Variants in KPNB1 observed in about 807,000 individuals in gnomAD.
KPNB1 encodes the protein importin subunit beta-1.
In KPNB1, 7 loss-of-function variants were observed where a neutral mutation model predicts 113.0. That is an observed-to-expected ratio of 0.06 (90% CI 0.04 to 0.12). KPNB1 has a LOEUF of 0.12. Among genes scored for constraint, KPNB1 ranks in the 10% least tolerant of loss-of-function variants. The pLI is 1.00. For synonymous variants in KPNB1, 363 were observed against 378.6 expected, an observed-to-expected ratio of 0.96 and a Z score of 0.48; for missense variants, 400 against 1,054.8, an observed-to-expected ratio of 0.38 and a Z score of 8.60.
rs774540472 is a variant in KPNB1 at position 47,661,184 on chromosome 17, T to C, written c.696+6T>C. ...CACAGTGTCCAGATACGAGGGTAAG[T>C]GTGAGGTTATATGAAAAATCTGTCT... On this transcript the variant is annotated splice_donor_region_variant and intron_variant, in intron 6 of 21. Coordinates refer to ENST00000290158, the MANE Select transcript of KPNB1 (RefSeq NM_002265.6). 1 of 1,607,198 alleles carries C rather than the reference T, an allele frequency of 6.2e-7. No individual in the cohort carries two copies. Among genetic ancestry groups the C allele is most frequent in the Admixed American group, 1.7e-5 (1 of 59,986 alleles).
At position 47,665,342 on chromosome 17, in the gene KPNB1, A is replaced by G. The variant is rs1007414904; in HGVS notation, c.999+184A>G. Among the ~76,000 whole-genome samples the G allele has an allele frequency of 1.6e-4, 24 of 152,204 alleles. 1 individual carries two copies. On this transcript the variant is annotated intron_variant, in intron 9 of 21. Transcript: ENST00000290158. ...GGCTCTGACTTCTTTGTGAAGGAGAACTGAGTCTTAACATCTCAGATGCAT... is the reference window on the plus strand; with the variant it reads ...GGCTCTGACTTCTTTGTGAAGGAGAGCTGAGTCTTAACATCTCAGATGCAT...
At chr17:47,657,274 C>T (rs1361475162) in intron 4 of KPNB1, among the ~76,000 whole-genome samples, 1 of 152,146 alleles carries the variant, frequency 6.6e-6, no homozygotes, top group Non-Finnish European at 1.5e-5. Context: ...AAACTGAAAA[C>T]AGAAGTCTAT....
chr17:47,661,542 C>T (rs1416083556), intron 6 of KPNB1, among the ~76,000 whole-genome samples: 1 of 152,068 alleles, frequency 6.6e-6, no homozygotes. Flanking sequence ...GTGGAGGTTG[C>T]AGTGAGCCAA....
chr17:47,651,351 G>C (rs768031473), intron 2 of KPNB1: 59 of 985,212 alleles, frequency 6.0e-5, no homozygotes, highest in Non-Finnish European at 7.0e-5. Context: ...GGAAGGATTG[G>C]ATGATGCTTG....
intron 2 of KPNB1, chr17:47,651,164 A>G (rs772081784): frequency 6.2e-6 from 6 of 973,832 alleles, no homozygotes; most frequent in Non-Finnish European, 7.3e-6. Context: ...ATGAAATCAC[A>G]GGGGAAAGTT....
chr17:47,652,477 G>A (rs1228011947), intron 2 of KPNB1, among the ~76,000 whole-genome samples: 2 of 152,094 alleles, frequency 1.3e-5, no homozygotes, highest in Non-Finnish European at 2.9e-5. Flanking sequence ...TAGGCTCCAC[G>A]AGAAAAGTGG....
intron 20 of KPNB1, among the ~76,000 whole-genome samples, 167 bp downstream of exon 20, chr17:47,680,301 G>C (rs1394042156): frequency 6.6e-6 from 1 of 152,186 alleles, no homozygotes; most frequent in Non-Finnish European, 1.5e-5. Context: ...TCACATGATA[G>C]TTTATTCCAG....
chr17:47,670,584 C>A, intron 11 of KPNB1, 118 bp from the exon 12 acceptor site: 1 of 994,890 alleles, frequency 1.0e-6, no homozygotes, highest in Non-Finnish European at 1.5e-6. Context: ...CTTGAGATGA[C>A]CTTGGCAGAA....
rs1410975823 is a variant in KPNB1, at chr17:47,683,269, T to G, written c.*865T>G. ...CATCAAGGCGCCTTTCCTAATAATA[T>G]GGTTCAACTGTGAATGTAGAAGTGG... On this transcript the variant is annotated 3_prime_UTR_variant, in exon 22 of 22. Coordinates refer to ENST00000290158, the MANE Select transcript of KPNB1 (RefSeq NM_002265.6). 8.0e-6 allele frequency: 1 copy of G among 124,978 alleles called. No homozygotes were observed. Among genetic ancestry groups the G allele is most frequent in the Non-Finnish European group, 1.6e-5 (1 of 61,990 alleles). The allele number at this position is 124,978 out of a possible 1,614,324, so 7.7% of individuals were successfully genotyped here. A position where few individuals can be genotyped will look rare whatever the true frequency, so the allele number is the denominator to read the frequency against.
At chr17:47,655,053 C>G (rs1915681321) in intron 3 of KPNB1, among the ~76,000 whole-genome samples, 1 of 152,148 alleles carries the variant, frequency 6.6e-6, no homozygotes, top group Admixed American at 6.5e-5. Flanking sequence ...AGGGGGAGTT[C>G]ATTATTGGTG....
At chr17:47,652,515 T>G (rs1280588572) in intron 2 of KPNB1, among the ~76,000 whole-genome samples, 179 bp from the exon 3 acceptor site, 3 of 152,168 alleles carry the variant, frequency 2.0e-5, no homozygotes, top group African/African-American at 2.4e-5. Context: ...TAAGTAACAT[T>G]TTTATAGAAG....
intron 9 of KPNB1, among the ~76,000 whole-genome samples, chr17:47,666,389 T>G (rs2030269596): frequency 1.7e-5 from 2 of 114,460 alleles, no homozygotes; most frequent in African/African-American, 6.3e-5. Flanking sequence ...TTCGTGTCTT[T>G]ACTTTTGTGT....
At chr17:47,672,308 A>G (rs920155395) in intron 12 of KPNB1, among the ~76,000 whole-genome samples, 26 of 47,104 alleles carry the variant, frequency 5.5e-4, no homozygotes, top group African/African-American at 1.7e-3. Context: ...GTGCCCATCA[A>G]AAAAAAAATC....
intron 21 of KPNB1, 68 bp downstream of exon 21, chr17:47,680,737 C>T: frequency 6.7e-7 from 1 of 1,492,224 alleles, no homozygotes; most frequent in Non-Finnish European, 9.1e-7. Flanking sequence ...TTTCTTTAGG[C>T]CATTCTGGCA....
At position 47,681,108 on chromosome 17, in the gene KPNB1, C is replaced by T. The variant is rs993522072; in HGVS notation, c.2630+439C>T. On this transcript the variant is annotated intron_variant, in intron 21 of 21. Transcript: ENST00000290158. Reference sequence around the variant, plus strand: ...TCTTTTTGAGACAGAGTCTCACTGTCGCCCAGGCTGGAGTGCAATGGCACA... The same window carrying T: ...TCTTTTTGAGACAGAGTCTCACTGTTGCCCAGGCTGGAGTGCAATGGCACA... Among the ~76,000 whole-genome samples, 8 of 151,920 alleles carry T rather than the reference C, an allele frequency of 5.3e-5. No individual in the cohort carries two copies. The East Asian group carries it at 1.2e-3, about 22-fold the overall frequency.
At chr17:47,675,369 T>G (rs866615017) in intron 15 of KPNB1, among the ~76,000 whole-genome samples, 1 of 116,568 alleles carries the variant, frequency 8.6e-6, no homozygotes, top group Non-Finnish European at 1.8e-5. Flanking sequence ...TTGTTTTTTT[T>G]TTGTTTTTTT....
At chr17:47,680,702 T>C in intron 21 of KPNB1, 33 bp downstream of exon 21, 1 of 1,599,008 alleles carries the variant, frequency 6.3e-7, no homozygotes, top group Non-Finnish European at 8.5e-7. Flanking sequence ...CTCTTTCTTC[T>C]ACTTCCTGGA....
intron 14 of KPNB1, among the ~76,000 whole-genome samples, chr17:47,674,236 G>C (rs2030531265): frequency 6.6e-6 from 1 of 152,208 alleles, no homozygotes; most frequent in Non-Finnish European, 1.5e-5. Context: ...TAAATAGGTA[G>C]GATATAGGAA....
Position 47,663,654 on chromosome 17 carries a change from A to C in KPNB1, c.786+476A>C, listed in dbSNP as rs114832369. ...ACTCCAACCTGGGCCAGAAAGCGAG[A>C]CTCTGTCTCAAAAAGAAAAAAGAAA... is the stretch of plus-strand genomic sequence containing the variant. On this transcript the variant is annotated intron_variant, in intron 7 of 21. Transcript: ENST00000290158. Among the ~76,000 whole-genome samples, 1,074 of 151,898 alleles carry C rather than the reference A, an allele frequency of 7.1e-3. 14 individuals are homozygous for C. Among genetic ancestry groups the C allele is most frequent in the African/African-American group, 0.023 (949 of 41,384 alleles).
Sources: allele counts gnomAD v4.1 joint callset (sites outside exome capture counted in the v4.1 genomes callset), GRCh38; gene constraint gnomAD v4.1.1; transcripts MANE v1.5; gene names NCBI Gene and HGNC (gene_info 2026-07-23, HGNC 2026-07-21).